Variants in DISP3 observed in about 807,000 individuals in gnomAD.
DISP3 encodes protein dispatched homolog 3.
Under a neutral mutation model 135.3 loss-of-function variants are expected in DISP3, and 101 were observed. That is an observed-to-expected ratio of 0.75 (90% CI 0.64 to 0.88). DISP3 has a LOEUF of 0.88. Among genes scored for constraint, DISP3 ranks in the 40% least tolerant of loss-of-function variants. The probability of loss-of-function intolerance (pLI) is 0.00; values close to 1 mark genes in which losing one functional copy is unlikely to be tolerated. For missense variants in DISP3, 1,713 were observed against 1,878.6 expected (o/e 0.91, Z 1.63); for synonymous variants, 856 against 817.0 (o/e 1.05, Z -0.81).
chr1:11,526,717 C>T lies in DISP3; in HGVS notation c.2680C>T (p.Leu894Phe), dbSNP rs377182058. The change falls in exon 13 of 21, where the codon CTC (leucine) becomes TTC (phenylalanine). Residue 894 changes from leucine to phenylalanine, a missense_variant. By Grantham distance (22) the Leu-to-Phe change is conservative (BLOSUM62 0). This residue lies in a region of DISP3 where 1,142 missense variants were observed against 1,384.6 expected (regional missense o/e 0.82). Coordinates refer to ENST00000294484, the MANE Select transcript of DISP3 (RefSeq NM_020780.2). The stretch of plus-strand genomic sequence containing the variant: ...CGCTTGTATGTCTACAGTAGGGCTG[C>T]TCCAGGCGGCGAGCCCCTCCCGCAA... ...LTACMSTVGLLQAASPSRKWM... is the reference protein window; with the variant it reads ...LTACMSTVGLFQAASPSRKWM... 13 of 1,614,046 alleles carry T rather than the reference C, an allele frequency of 8.1e-6. No individual in the cohort carries two copies. Among genetic ancestry groups the T allele is most frequent in the Non-Finnish European group, 1.0e-5 (12 of 1,180,036 alleles).
chr1:11,525,364 G>A (rs945167552), intron 12 of DISP3, 52 bp downstream of exon 12: 9 of 1,579,096 alleles, frequency 5.7e-6, no homozygotes, highest in African/African-American at 5.4e-5. Flanking sequence ...GTGGTGGGGG[G>A]CTCTCAGGGC....
intron 13 of DISP3, 151 bp downstream of exon 13, chr1:11,526,986 A>G (rs1429609308): frequency 2.0e-6 from 2 of 985,392 alleles, no homozygotes; most frequent in Non-Finnish European, 2.9e-6. Context: ...GCTGGAGTGC[A>G]GTGGCACAAT....
Position 11,526,530 on chromosome 1 carries a change from A to G in DISP3, c.2614-121A>G, listed in dbSNP as rs115417164. 3,454 of 1,189,988 alleles carry G rather than the reference A, an allele frequency of 2.9e-3. 93 individuals are homozygous for G. The African/African-American group carries it at 0.047, about 16-fold the overall frequency. The allele number at this position is 1,189,988 out of a possible 1,614,324, so 73.7% of individuals were successfully genotyped here. A position where few individuals can be genotyped will look rare whatever the true frequency, so the allele number is the denominator to read the frequency against. ...GCCTCTGCCCAGGGCTCTGTCCCCA[A>G]CTCCGAGGACTGGGACAGGGTGAAC... On this transcript the variant is annotated intron_variant, in intron 12 of 20. Coordinates refer to ENST00000294484, the MANE Select transcript of DISP3 (RefSeq NM_020780.2).
rs893221638 is a variant in DISP3, at chr1:11,491,120, A to G, written c.-3-9870A>G. On this transcript the variant is annotated intron_variant, in intron 1 of 20. Transcript: ENST00000294484. The surrounding 1 kb of genome is among the most constrained non-coding windows in gnomAD (Gnocchi z 4.3). ...AGGAGTGAGCCTTGGCTAGAGATAC[A>G]GCAGCCTGAGTCCATACCCCGGACC... 6.6e-6 allele frequency among the ~76,000 whole-genome samples: 1 copy of G among 152,210 alleles called. No individual in the cohort carries two copies. The highest frequency in any genetic ancestry group is 1.5e-5 in the Non-Finnish European group (1 of 68,038).
intron 1 of DISP3, among the ~76,000 whole-genome samples, chr1:11,486,654 G>A (rs904218568): frequency 1.3e-5 from 2 of 152,112 alleles, no homozygotes; most frequent in Non-Finnish European, 2.9e-5. Flanking sequence ...AGGAGGAAAG[G>A]AGTTGAAGAC....
chr1:11,504,728 C>T (rs1641649304), intron 3 of DISP3, among the ~76,000 whole-genome samples: 1 of 152,166 alleles, frequency 6.6e-6, no homozygotes, highest in Admixed American at 6.5e-5. Flanking sequence ...CTTTGACCTT[C>T]CTTCGTGTTA....
Position 11,491,422 on chromosome 1 carries a change from A to T in DISP3, c.-3-9568A>T, listed in dbSNP as rs947449498. Among the ~76,000 whole-genome samples, 7 of 152,174 alleles carry T rather than the reference A, an allele frequency of 4.6e-5. No individual in the cohort carries two copies. The highest frequency in any genetic ancestry group is 1.7e-4 in the African/African-American group (7 of 41,422). The stretch of plus-strand genomic sequence containing the variant: ...TGAGATCAGCCTGGGCAACCTAGCA[A>T]AACGCCATCTTTACAAAAAATTAAA... On this transcript the variant is annotated intron_variant, in intron 1 of 20. Coordinates refer to ENST00000294484, the MANE Select transcript of DISP3 (RefSeq NM_020780.2). This position sits in a 1 kb window ranked among gnomAD's most constrained non-coding sequence, Gnocchi z 4.3.
rs753328349 is a variant in DISP3, at chr1:11,520,892, G to A, written c.2362+44G>A. ...CTGTCCCTGGCCCGCTCAGGTGTCC[G>A]GGTCCCAAAGACTGTTGGTCTGAGA... On this transcript the variant is annotated intron_variant, in intron 10 of 20. Coordinates refer to ENST00000294484, the MANE Select transcript of DISP3 (RefSeq NM_020780.2). This position sits in a 1 kb window ranked among gnomAD's most constrained non-coding sequence, Gnocchi z 4.8. The A allele has an allele frequency of 1.8e-5, 27 of 1,537,116 alleles. No individual in the cohort carries two copies. The highest frequency in any genetic ancestry group is 1.5e-4 in the East Asian group (6 of 40,996).
chr1:11,536,208 C>A lies in DISP3; in HGVS notation c.3817-116C>A. ...CAACCCTGGGAGGCCACTTGCAGCT[C>A]TCATCCCAGTAACAGAGCAGGAACC... On this transcript the variant is annotated intron_variant, in intron 20 of 20. Coordinates refer to ENST00000294484, the MANE Select transcript of DISP3 (RefSeq NM_020780.2). The surrounding 1 kb of genome is among the most constrained non-coding windows in gnomAD (Gnocchi z 4.3). The A allele has an allele frequency of 7.0e-7, 1 of 1,423,390 alleles. No individual in the cohort carries two copies. The highest frequency in any genetic ancestry group is 9.2e-7 in the Non-Finnish European group (1 of 1,082,132). The allele number at this position is 1,423,390 out of a possible 1,614,324, so 88.2% of individuals were successfully genotyped here.
Position 11,515,422 on chromosome 1 carries a change from C to T in DISP3, c.1507C>T (p.Leu503Phe). 1.9e-6 allele frequency: 3 copies of T among 1,614,186 alleles called. No homozygotes were observed. Among genetic ancestry groups the T allele is most frequent in the Non-Finnish European group, 2.5e-6 (3 of 1,179,992 alleles). The stretch of plus-strand genomic sequence containing the variant: ...CATTGGTCTCAGCTGCCTGGTGGCC[C>T]TCTTCCTGTACCACGTGGTCTTTGG... ...ASIGLSCLVA[L>F]FLYHVVFGIQ... Residue 503 changes from leucine (L) to phenylalanine (F), a missense_variant, in exon 5 of 21, where the codon CTC becomes TTC. By Grantham distance (22) the Leu-to-Phe change is conservative. This residue lies in a region of DISP3 where 1,142 missense variants were observed against 1,384.6 expected (regional missense o/e 0.82). Transcript: ENST00000294484.
chr1:11,496,857 C>T (rs772270939), intron 1 of DISP3, among the ~76,000 whole-genome samples: 9 of 152,198 alleles, frequency 5.9e-5, no homozygotes, highest in African/African-American at 1.2e-4. Flanking sequence ...TTTACCATCC[C>T]GCTCTGAGAT....
At chr1:11,528,882 T>C (rs1430485439) in intron 13 of DISP3, among the ~76,000 whole-genome samples, 1 of 152,196 alleles carries the variant, frequency 6.6e-6, no homozygotes, top group Admixed American at 6.5e-5. Context: ...GGGCTGCAGC[T>C]TGGAGGCCAG....
rs1278782701 is a variant in DISP3 at position 11,499,834 on chromosome 1, C to T, written c.-3-1156C>T. Among the ~76,000 whole-genome samples, 1 of 152,202 alleles carries T rather than the reference C, an allele frequency of 6.6e-6. No individual in the cohort carries two copies. Among genetic ancestry groups the T allele is most frequent in the Non-Finnish European group, 1.5e-5 (1 of 68,038 alleles). ...CGACAGCCTCTCTTCCTGGACAGATCATCTAATTGAAATGGAGCACTCCAA... is the reference window on the plus strand; with the variant it reads ...CGACAGCCTCTCTTCCTGGACAGATTATCTAATTGAAATGGAGCACTCCAA... On this transcript the variant is annotated intron_variant, in intron 1 of 20. Transcript: ENST00000294484. This position sits in a 1 kb window ranked among gnomAD's most constrained non-coding sequence, Gnocchi z 5.2.
chr1:11,530,057 C>G (rs530900036), intron 15 of DISP3, 98 bp downstream of exon 15: 208 of 1,474,754 alleles, frequency 1.4e-4, no homozygotes, highest in Non-Finnish European at 1.9e-4. Context: ...CCTCACACCC[C>G]CTCTTGGCTC....
chr1:11,514,254 T>G, intron 3 of DISP3, 136 bp from the exon 4 acceptor site: 3 of 1,042,574 alleles, frequency 2.9e-6, no homozygotes, highest in Non-Finnish European at 4.3e-6. Flanking sequence ...AGCCCCCAGG[T>G]GATTTTGATA....
chr1:11,510,704 G>A (rs1641833607), intron 3 of DISP3, among the ~76,000 whole-genome samples: 2 of 152,046 alleles, frequency 1.3e-5, no homozygotes, highest in Non-Finnish European at 2.9e-5. Flanking sequence ...GAGCACAGTG[G>A]CTAACACCTG....
At chr1:11,525,636 AG>A (rs1642392222) in intron 12 of DISP3, among the ~76,000 whole-genome samples, 1 of 152,198 alleles carries the variant, frequency 6.6e-6, no homozygotes, top group South Asian at 2.1e-4. Context: ...GCATTGTTGG[AG>A]GGGTGTGAGG....
Position 11,501,618 on chromosome 1 carries a change from C to A in DISP3, c.626C>A (p.Pro209His), listed in dbSNP as rs996281434. The A allele has an allele frequency of 6.2e-7, 1 of 1,607,196 alleles. No individual in the cohort carries two copies. Among genetic ancestry groups the A allele is most frequent in the African/African-American group, 1.3e-5 (1 of 74,836 alleles). The change falls in exon 2 of 21, where the codon CCC (proline) becomes CAC (histidine). Residue 209 changes from proline (P) to histidine (H), a missense_variant. Around this residue, in one of 2 missense-constraint regions of DISP3, gnomAD observed 571 missense variants for 494.1 expected, o/e 1.16. Transcript: ENST00000294484. This position sits in a 1 kb window ranked among gnomAD's most constrained non-coding sequence, Gnocchi z 4.9. ...RSGRLRRETP[P>H]LEDLAANQSE... ...GGGCGACTTCGGCGTGAGACCCCGC[C>A]CCTGGAGGATCTGGCAGCCAACCAG...
At chr1:11,507,796 C>G (rs1442999543) in intron 3 of DISP3, among the ~76,000 whole-genome samples, 1 of 152,192 alleles carries the variant, frequency 6.6e-6, no homozygotes, top group African/African-American at 2.4e-5. Context: ...CTATTTCTTT[C>G]AACTTGAGAG....
Sources: allele counts gnomAD v4.1 joint callset (sites outside exome capture counted in the v4.1 genomes callset), GRCh38; gene constraint gnomAD v4.1.1; regional missense constraint gnomAD v4.1.1; non-coding constraint Gnocchi (gnomAD v3.1); transcripts MANE v1.5; gene names NCBI Gene and HGNC (gene_info 2026-07-23, HGNC 2026-07-21).